ARID4B: variants seen among roughly 807,000 people sequenced by gnomAD.
ARID4B encodes AT-rich interaction domain 4B.
Under a neutral mutation model 147.5 loss-of-function variants are expected in ARID4B, and 26 were observed. The observed-to-expected ratio is 0.18, with a 90% CI of 0.13 to 0.24. The LOEUF (loss-of-function observed/expected upper bound fraction) is 0.24, where lower values mean the gene tolerates loss of function less well. Ranked by LOEUF, ARID4B falls within the 10% of genes least tolerant of loss-of-function variation. The pLI is 1.00. For missense variants in ARID4B, 1,179 were observed against 1,511.5 expected, an observed-to-expected ratio of 0.78 and a Z score of 3.65; for synonymous variants, 512 against 507.9, an observed-to-expected ratio of 1.01 and a Z score of -0.11.
At chr1:235,236,330 C>T (rs1668550968) in intron 8 of ARID4B, among the ~76,000 whole-genome samples, 1 of 151,994 alleles carries the variant, frequency 6.6e-6, no homozygotes, top group Non-Finnish European at 1.5e-5. Flanking sequence ...AAATGGCTGA[C>T]TAAACAGATT....
intron 18 of ARID4B, 80 bp downstream of exon 18, chr1:235,195,951 C>T: frequency 2.4e-6 from 2 of 831,312 alleles, no homozygotes; most frequent in Admixed American, 4.6e-5. Flanking sequence ...AAGTGTAACA[C>T]TAACACATAT....
intron 2 of ARID4B, among the ~76,000 whole-genome samples, chr1:235,291,876 T>C (rs1262908759): frequency 2.0e-5 from 3 of 151,876 alleles, no homozygotes; most frequent in Admixed American, 6.6e-5. Flanking sequence ...AAGTAAAGGG[T>C]AGGAGAGATA....
chr1:235,249,962 C>G (rs1027829309), intron 6 of ARID4B, among the ~76,000 whole-genome samples: 2 of 148,106 alleles, frequency 1.4e-5, no homozygotes. Flanking sequence ...AAAAAATTAG[C>G]CAGGCGTGGG....
intron 2 of ARID4B, among the ~76,000 whole-genome samples, chr1:235,290,131 A>C (rs1164810475): frequency 2.6e-5 from 4 of 152,144 alleles, no homozygotes; most frequent in Non-Finnish European, 4.4e-5. Flanking sequence ...GTTATGGGAA[A>C]ATGTTAGCCT....
chr1:235,255,911 C>A (rs1201459199), intron 4 of ARID4B, among the ~76,000 whole-genome samples, 161 bp from the exon 5 acceptor site: 13 of 152,056 alleles, frequency 8.5e-5, no homozygotes, highest in African/African-American at 2.9e-4. Flanking sequence ...CAGTGGCTCA[C>A]GCCTGCAATC....
At chr1:235,290,787 C>T (rs775375654) in intron 2 of ARID4B, among the ~76,000 whole-genome samples, 26 of 152,300 alleles carry the variant, frequency 1.7e-4, no homozygotes, top group Middle Eastern at 3.4e-3. Context: ...GGGTGAACAA[C>T]CCTAGACATT....
Position 235,195,232 on chromosome 1 carries a change from C to T in ARID4B, c.1926+799G>A, listed in dbSNP as rs370157607. ...TCTTAGAATGAATAATTCTATCATA[C>T]ATAAAAGTAACATTAATTTTCCATA... On this transcript the variant is annotated intron_variant, in intron 18 of 23. Coordinates refer to ENST00000264183, the MANE Select transcript of ARID4B (RefSeq NM_016374.6). 1.1e-4 allele frequency among the ~76,000 whole-genome samples: 16 copies of T among 152,152 alleles called. 1 individual carries two copies. The highest frequency in any genetic ancestry group is 3.9e-4 in the African/African-American group (16 of 41,510).
At chr1:235,275,224 A>G (rs1283312182) in intron 2 of ARID4B, among the ~76,000 whole-genome samples, 1 of 152,240 alleles carries the variant, frequency 6.6e-6, no homozygotes, top group Non-Finnish European at 1.5e-5. Flanking sequence ...TAACAAAGAG[A>G]TATGTTCTGG....
chr1:235,207,059 T>A (rs1323187745), intron 17 of ARID4B, among the ~76,000 whole-genome samples: 1 of 152,236 alleles, frequency 6.6e-6, no homozygotes, highest in Non-Finnish European at 1.5e-5. Context: ...GTAGCATGAC[T>A]GTATATCTAT....
chr1:235,236,571 T>C (rs1207859109), intron 8 of ARID4B, among the ~76,000 whole-genome samples: 2 of 151,236 alleles, frequency 1.3e-5, no homozygotes, highest in Non-Finnish European at 2.9e-5. Context: ...TGGAGTGCTG[T>C]GGCACGGTCT....
intron 17 of ARID4B, among the ~76,000 whole-genome samples, chr1:235,204,536 AAT>A (rs1335087504): frequency 6.6e-6 from 1 of 152,192 alleles, no homozygotes; most frequent in African/African-American, 2.4e-5. Context: ...TAATTATATC[AAT>A]AGGTTTTCCT....
At chr1:235,217,437 CACAT>C (rs3835402) in intron 16 of ARID4B, among the ~76,000 whole-genome samples, 3 of 151,842 alleles carry the variant, frequency 2.0e-5, no homozygotes, top group South Asian at 2.1e-4. Flanking sequence ...TACATACACT[CACAT>C]ACATACATAC....
chr1:235,170,910 C>CAAA (rs1164420998), intron 23 of ARID4B, among the ~76,000 whole-genome samples: 895 of 61,312 alleles, frequency 0.015, 33 homozygotes, highest in African/African-American at 0.046. Context: ...GACTCCGTCT[C>CAAA]AAAAAAAAAA....
chr1:235,176,903 C>A (rs1423261683), intron 21 of ARID4B: 2 of 470,924 alleles, frequency 4.2e-6, no homozygotes, highest in Non-Finnish European at 8.8e-6. Context: ...GTGTGGGGCA[C>A]CTGAAAAAAA....
At chr1:235,197,887 C>CT (rs777443817) in intron 17 of ARID4B, among the ~76,000 whole-genome samples, 1 of 152,258 alleles carries the variant, frequency 6.6e-6, no homozygotes, top group East Asian at 1.9e-4. Context: ...TGCAGCAGTA[C>CT]TTTTACCTTT....
chr1:235,285,331 G>A (rs537712037), intron 2 of ARID4B, among the ~76,000 whole-genome samples: 24 of 152,300 alleles, frequency 1.6e-4, no homozygotes, highest in Non-Finnish European at 2.9e-4. Context: ...GTCAATGAGT[G>A]TAATTAACGT....
chr1:235,227,067 T>A (rs868113676), intron 11 of ARID4B, among the ~76,000 whole-genome samples: 1 of 152,088 alleles, frequency 6.6e-6, no homozygotes, highest in Non-Finnish European at 1.5e-5. Flanking sequence ...GGCACCTAAG[T>A]AGGGTTCTGA....
In ARID4B at chr1:235,223,030, T is replaced by C. The variant is rs1361667813; in HGVS notation, c.1065+136A>G. ...TTTTGTCTGAGGAGGCTAGCTGTAC[T>C]TTCCACTTTATCTTCTTCTTAGGTT... On this transcript the variant is annotated intron_variant, in intron 13 of 23. Transcript: ENST00000264183. 6.5e-6 allele frequency: 4 copies of C among 618,452 alleles called. No individual in the cohort carries two copies. In the Admixed American group the frequency reaches 1.1e-4, roughly 17 times the overall value. The allele number at this position is 618,452 out of a possible 1,614,324, so 38.3% of individuals were successfully genotyped here.
At chr1:235,250,401 T>A (rs1669572130) in intron 6 of ARID4B, among the ~76,000 whole-genome samples, 1 of 152,172 alleles carries the variant, frequency 6.6e-6, no homozygotes, top group African/African-American at 2.4e-5. Flanking sequence ...AACATACAGA[T>A]GGTAGATTAA....
Sources: allele counts gnomAD v4.1 joint callset (sites outside exome capture counted in the v4.1 genomes callset), GRCh38; gene constraint gnomAD v4.1.1; transcripts MANE v1.5; gene names NCBI Gene and HGNC (gene_info 2026-07-23, HGNC 2026-07-21).